The following C4orf50 variants were observed in gnomAD, a reference collection of about 807,000 sequenced individuals.
C4orf50 encodes uncharacterized protein C4orf50.
In C4orf50, 80 loss-of-function variants were observed where a neutral mutation model predicts 77.2. The observed-to-expected ratio is 1.04, with a 90% CI of 0.87 to 1.25. C4orf50 has a LOEUF of 1.25. C4orf50 is among the 50% of genes most tolerant of loss of function. The pLI is 0.00. For synonymous variants in C4orf50, 532 were observed against 465.3 expected (o/e 1.14, Z -1.84); for missense variants, 1,257 against 1,152.9 (o/e 1.09, Z -1.31).
Position 5,989,962 on chromosome 4 carries a change from GCT to G in C4orf50, c.2082_2083del (p.Arg694SerfsTer7). The G allele has an allele frequency of 7.1e-7, 1 of 1,413,494 alleles. No individual in the cohort carries two copies. The highest frequency in any genetic ancestry group is 9.2e-7 in the Non-Finnish European group (1 of 1,088,380). The allele number at this position is 1,413,494 out of a possible 1,614,324, so 87.6% of individuals were successfully genotyped here. A position where few individuals can be genotyped will look rare whatever the true frequency, so the allele number is the denominator to read the frequency against. On this transcript the variant is annotated frameshift_variant, in exon 28 of 34. Transcript: ENST00000531445. LOFTEE classifies it high-confidence loss of function. ...CTTGCCCCTAGCTGTCCTCCCAGTG[GCT>G]CTGACTTTCCCTGCGAGGAGCTGAC...
chr4:5,910,197 A>T (rs771881680), intron 7 of C4orf50, among the ~76,000 whole-genome samples: 17 of 152,190 alleles, frequency 1.1e-4, no homozygotes, highest in Admixed American at 3.3e-4. Context: ...AACATACATA[A>T]AAAAACCCCA....
At chr4:6,004,122 A>AT (rs1722052263) in intron 25 of C4orf50, among the ~76,000 whole-genome samples, 1 of 33,156 alleles carries the variant, frequency 3.0e-5, no homozygotes. Context: ...GATGATGGTG[A>AT]TAGTGATGAT....
chr4:6,014,456 G>C (rs1722608461), intron 23 of C4orf50, among the ~76,000 whole-genome samples: 2 of 152,170 alleles, frequency 1.3e-5, no homozygotes, highest in African/African-American at 4.8e-5. Context: ...ATGAAGATGG[G>C]AGTGGGATTT....
intron 7 of C4orf50, among the ~76,000 whole-genome samples, chr4:5,949,777 AG>A (rs1241823720): frequency 6.6e-6 from 1 of 152,230 alleles, no homozygotes; most frequent in Non-Finnish European, 1.5e-5. Context: ...ATCTGAGGTC[AG>A]GAGTTTGAGA....
intron 31 of C4orf50, among the ~76,000 whole-genome samples, chr4:5,971,279 T>G (rs1379330437): frequency 6.6e-6 from 1 of 152,196 alleles, no homozygotes; most frequent in Non-Finnish European, 1.5e-5. Flanking sequence ...CAAGCAGCAC[T>G]GGACCCGCTT....
At chr4:5,985,839 G>A (rs1340459507) in intron 28 of C4orf50, among the ~76,000 whole-genome samples, 1 of 152,018 alleles carries the variant, frequency 6.6e-6, no homozygotes, top group African/African-American at 2.4e-5. Flanking sequence ...CGTGATGGTG[G>A]GTGCCAGTAG....
rs1722661999 is a variant in C4orf50, at chr4:6,015,815, C to T, written c.287+2330G>A. 6.6e-6 allele frequency among the ~76,000 whole-genome samples: 1 copy of T among 152,210 alleles called. No individual in the cohort carries two copies. ...TTGGAGCCAGCTGCATGCAATCCCA[C>T]ACTGGCGGCCACACTGCCATCCCTA... On this transcript the variant is annotated intron_variant, in intron 23 of 33. Transcript: ENST00000531445. This position sits in a 1 kb window ranked among gnomAD's most constrained non-coding sequence, Gnocchi z 4.4.
intron 25 of C4orf50, among the ~76,000 whole-genome samples, chr4:6,004,388 TG>T (rs1722131511): frequency 1.0e-5 from 1 of 95,896 alleles, no homozygotes. Flanking sequence ...ATGATGGTGA[TG>T]GTGGTGATGG....
At chr4:5,988,539 G>T (rs545219144) in exon 28 of C4orf50, 5 of 1,537,310 alleles carry the variant, frequency 3.3e-6, no homozygotes, top group Non-Finnish European at 4.4e-6. Flanking sequence ...TGGAATTCCC[G>T]GTGCCTGTGG....
At chr4:5,987,835 G>A (rs140448833) in intron 28 of C4orf50, among the ~76,000 whole-genome samples, 10 of 152,336 alleles carry the variant, frequency 6.6e-5, no homozygotes, top group Non-Finnish European at 1.3e-4. Flanking sequence ...GTCCACAGAT[G>A]AGGAGAGTGA....
At chr4:5,982,300 G>A (rs953811377) in intron 28 of C4orf50, among the ~76,000 whole-genome samples, 1 of 152,170 alleles carries the variant, frequency 6.6e-6, no homozygotes, top group African/African-American at 2.4e-5. Context: ...GCTGTGCGGT[G>A]GGGGGTGGGC....
chr4:5,953,234 G>A (rs1345159773), downstream of C4orf50, among the ~76,000 whole-genome samples: 2 of 152,186 alleles, frequency 1.3e-5, no homozygotes, highest in African/African-American at 4.8e-5. Context: ...GCCCAGCCTA[G>A]TCAGCCGAAC....
intron 31 of C4orf50, among the ~76,000 whole-genome samples, chr4:5,969,601 G>A (rs1719784747): frequency 6.6e-6 from 1 of 151,954 alleles, no homozygotes; most frequent in Admixed American, 6.6e-5. Context: ...CTGATGTTTT[G>A]CTTGAAGGTG....
At chr4:5,923,984 C>A (rs1717400939) in intron 7 of C4orf50, among the ~76,000 whole-genome samples, 2 of 152,136 alleles carry the variant, frequency 1.3e-5, no homozygotes, top group African/African-American at 4.8e-5. Flanking sequence ...TTCTCCCATG[C>A]TGGATGCTTC....
intron 25 of C4orf50, among the ~76,000 whole-genome samples, chr4:5,998,517 T>C (rs975256424): frequency 5.9e-5 from 9 of 152,234 alleles, no homozygotes; most frequent in African/African-American, 1.9e-4. Flanking sequence ...GGGGTCACTC[T>C]ACGCACACTG....
At position 5,939,963 on chromosome 4, in the gene C4orf50, C is replaced by T. The variant is rs1251883750; in HGVS notation, c.*2474+16938G>A. Among the ~76,000 whole-genome samples the T allele has an allele frequency of 5.3e-5, 8 of 152,204 alleles. No homozygotes were observed. The East Asian group carries it at 5.8e-4, about 11-fold the overall frequency. ...CTCTGCCCCACTTTTTGATGTCAGA[C>T]GGCTGAAAACACCCTCGGATCATGC... On this transcript the variant is annotated intron_variant, in intron 7 of 7. Coordinates refer to the C4orf50 transcript ENST00000324058.
chr4:5,960,168 A>G, intron 33 of C4orf50, among the ~76,000 whole-genome samples: 1 of 152,206 alleles, frequency 6.6e-6, no homozygotes, highest in Non-Finnish European at 1.5e-5. Flanking sequence ...CATTAAATGT[A>G]TTAGCTCTGA....
intron 29 of C4orf50, among the ~76,000 whole-genome samples, chr4:5,977,416 G>A (rs370779215): frequency 2.0e-5 from 3 of 152,176 alleles, no homozygotes; most frequent in Non-Finnish European, 2.9e-5. Context: ...TGTGCAAAAG[G>A]TCTTGCATCT....
At chr4:5,910,913 T>TC (rs1467658350) in intron 7 of C4orf50, among the ~76,000 whole-genome samples, 4 of 140,910 alleles carry the variant, frequency 2.8e-5, no homozygotes, top group African/African-American at 1.0e-4. Flanking sequence ...CTTTCTTTTT[T>TC]TTTTTTTTTT....
Sources: allele counts gnomAD v4.1 joint callset (sites outside exome capture counted in the v4.1 genomes callset), GRCh38; gene constraint gnomAD v4.1.1; non-coding constraint Gnocchi (gnomAD v3.1); transcripts MANE v1.5; gene names NCBI Gene and HGNC (gene_info 2026-07-23, HGNC 2026-07-21).